The following PRKN variants were observed in gnomAD, a reference collection of about 807,000 sequenced individuals.
PRKN encodes the protein parkin RBR E3 ubiquitin protein ligase, also known as E3 ubiquitin-protein ligase parkin.
A neutral mutation model predicts 59.5 loss-of-function variants in PRKN; 56 were observed. That is an observed-to-expected ratio of 0.94 (90% confidence interval 0.76 to 1.18). PRKN has a LOEUF of 1.18. PRKN is among the 50% of genes most tolerant of loss of function. The probability of loss-of-function intolerance (pLI) is 0.00; values close to 1 mark genes in which losing one functional copy is unlikely to be tolerated. For missense variants in PRKN, 657 were observed against 596.4 expected (o/e 1.10, Z -1.06); for synonymous variants, 250 against 222.1 (o/e 1.13, Z -1.12).
chr6:162,324,586 G>A (rs939428165), intron 2 of PRKN, among the ~76,000 whole-genome samples: 2 of 151,996 alleles, frequency 1.3e-5, no homozygotes, highest in Admixed American at 6.6e-5. Context: ...CTGGCACAGG[G>A]GGTCCACAGG....
At chr6:162,703,759 T>C (rs916403561) in intron 1 of PRKN, among the ~76,000 whole-genome samples, 36 of 152,300 alleles carry the variant, frequency 2.4e-4, no homozygotes, top group Admixed American at 1.6e-3. Flanking sequence ...CTGGAATGCA[T>C]AGTCCACACA....
At chr6:162,247,771 C>G (rs939894042) in intron 3 of PRKN, among the ~76,000 whole-genome samples, 5 of 152,132 alleles carry the variant, frequency 3.3e-5, no homozygotes, top group African/African-American at 9.7e-5. Flanking sequence ...TAAAAATCTA[C>G]AATTATGAAA....
chr6:162,455,750 G>A (rs1366187043), intron 1 of PRKN, among the ~76,000 whole-genome samples: 3 of 152,020 alleles, frequency 2.0e-5, no homozygotes, highest in African/African-American at 7.2e-5. Flanking sequence ...CAGCTCCAAG[G>A]TTTTGATTTA....
At chr6:162,168,128 C>T (rs936804859) in intron 4 of PRKN, among the ~76,000 whole-genome samples, 5 of 152,040 alleles carry the variant, frequency 3.3e-5, no homozygotes, top group Admixed American at 6.6e-5. Flanking sequence ...ATTATAGTAC[C>T]AATCAAAGAA....
At chr6:162,544,913 G>A (rs1357380980) in intron 1 of PRKN, among the ~76,000 whole-genome samples, 6 of 150,134 alleles carry the variant, frequency 4.0e-5, no homozygotes, top group Non-Finnish European at 8.9e-5. Flanking sequence ...CTGACCTCAG[G>A]TGATCCACCC....
rs1487179067 is a variant in PRKN at position 161,529,749 on chromosome 6, AC to A, written c.1083+19104del. ...AAAAAGATTTATAAACATTATTGGT[AC>A]AACTGATTTTTGTCTCTGGCTGGAA... On this transcript the variant is annotated intron_variant, in intron 9 of 11. Coordinates refer to ENST00000366898, the MANE Select transcript of PRKN (RefSeq NM_004562.3). The surrounding 1 kb of genome is among the most constrained non-coding windows in gnomAD (Gnocchi z 4.4). Among the ~76,000 whole-genome samples the A allele has an allele frequency of 6.6e-6, 1 of 152,236 alleles. No individual in the cohort carries two copies. Among genetic ancestry groups the A allele is most frequent in the East Asian group, 1.9e-4 (1 of 5,202 alleles).
rs144953747 is a variant in PRKN, at chr6:161,809,287, C to G, written c.735-23379G>C. On this transcript the variant is annotated intron_variant, in intron 6 of 11. Coordinates refer to ENST00000366898, the MANE Select transcript of PRKN (RefSeq NM_004562.3). ...GGGAAGGGGGATGACTCAGAAATCC[C>G]GAGTCCTGAGGAATTACCACTTGGG... 1.2e-3 allele frequency among the ~76,000 whole-genome samples: 116 copies of G among 99,964 alleles called. 1 individual carries two copies. The highest frequency in any genetic ancestry group is 4.2e-3 in the African/African-American group (109 of 26,008). The allele number at this position is 99,964 out of a possible 152,430, so 65.6% of individuals were successfully genotyped here. A position where few individuals can be genotyped will look rare whatever the true frequency, so the allele number is the denominator to read the frequency against.
At chr6:161,567,033 T>TGTGTG (rs1244388996) in intron 8 of PRKN, among the ~76,000 whole-genome samples, 71 of 112,150 alleles carry the variant, frequency 6.3e-4, no homozygotes, top group African/African-American at 2.3e-3. Flanking sequence ...TTTTTTTTTT[T>TGTGTG]TTTTTGTGTG....
intron 4 of PRKN, among the ~76,000 whole-genome samples, chr6:162,189,648 A>T (rs979907650): frequency 6.6e-6 from 1 of 151,822 alleles, no homozygotes; most frequent in Admixed American, 6.6e-5. Flanking sequence ...GAACAGGGGG[A>T]CCCAAATAAT....
intron 2 of PRKN, among the ~76,000 whole-genome samples, chr6:162,424,619 C>T (rs1789135346): frequency 2.0e-5 from 3 of 151,740 alleles, no homozygotes; most frequent in South Asian, 2.1e-4. Flanking sequence ...GCCTGTAATC[C>T]CAGTTACTCA....
rs966848883 is a variant in PRKN at position 161,356,921 on chromosome 6, G to C, written c.1285+3167C>G. Among the ~76,000 whole-genome samples, 75 of 152,178 alleles carry C rather than the reference G, an allele frequency of 4.9e-4. 1 individual carries two copies. The highest frequency in any genetic ancestry group is 4.1e-4 in the South Asian group (2 of 4,820). On this transcript the variant is annotated intron_variant, in intron 11 of 11. Transcript: ENST00000366898. This position sits in a 1 kb window ranked among gnomAD's most constrained non-coding sequence, Gnocchi z 7.8. ...ATAGTATTTAAGGCCACAAGACTGGGCTGTATGTTATGTGTCACAAAGGTG... is the reference window on the plus strand; with the variant it reads ...ATAGTATTTAAGGCCACAAGACTGGCCTGTATGTTATGTGTCACAAAGGTG...
chr6:162,089,857 G>A (rs1004923509), intron 4 of PRKN, among the ~76,000 whole-genome samples: 18 of 152,282 alleles, frequency 1.2e-4, no homozygotes, highest in African/African-American at 3.4e-4. Context: ...AAGTCAATTT[G>A]TGGTAGCCAG....
At chr6:162,726,184 G>C (rs1269751337) in intron 1 of PRKN, among the ~76,000 whole-genome samples, 2 of 152,140 alleles carry the variant, frequency 1.3e-5, no homozygotes, top group African/African-American at 4.8e-5. Context: ...TTAAGTGCTT[G>C]TCTTTATATA....
intron 1 of PRKN, among the ~76,000 whole-genome samples, chr6:162,560,177 T>C (rs1031231250): frequency 6.6e-6 from 1 of 152,222 alleles, no homozygotes; most frequent in Non-Finnish European, 1.5e-5. Context: ...AAAGACAGCA[T>C]TTCATTAAGG....
intron 1 of PRKN, among the ~76,000 whole-genome samples, chr6:162,507,549 T>C (rs1793663561): frequency 6.6e-6 from 1 of 152,170 alleles, no homozygotes; most frequent in Admixed American, 6.5e-5. Context: ...AATGTTTTTA[T>C]AAAACTTAAG....
intron 4 of PRKN, among the ~76,000 whole-genome samples, chr6:162,142,919 T>C (rs1489347303): frequency 6.6e-6 from 1 of 152,218 alleles, no homozygotes. Context: ...AAATTACTTA[T>C]AAACCAAGGC....
intron 6 of PRKN, among the ~76,000 whole-genome samples, chr6:161,857,046 G>A (rs529926263): frequency 1.4e-4 from 21 of 151,994 alleles, no homozygotes; most frequent in Admixed American, 7.2e-4. Flanking sequence ...CCTGGCCAAC[G>A]TGGTAAAACC....
chr6:161,917,220 C>T (rs1177903130), intron 6 of PRKN, among the ~76,000 whole-genome samples: 2 of 152,114 alleles, frequency 1.3e-5, no homozygotes, highest in Non-Finnish European at 2.9e-5. Flanking sequence ...ATTCTCCTGC[C>T]TCAGCCTCCC....
In PRKN at chr6:162,556,366, T is replaced by TGTGTGTGTGTGTGC. The variant is rs1554243446; in HGVS notation, c.8-112894_8-112893insGCACACACACACAC. On this transcript the variant is annotated intron_variant, in intron 1 of 11. Coordinates refer to ENST00000366898, the MANE Select transcript of PRKN (RefSeq NM_004562.3). ...TGGTGTGTGTGTGTGTGTGTGTGTG[T>TGTGTGTGTGTGTGC]GTGTGTGTGTGTGTGTGTGTGTGTG... Among the ~76,000 whole-genome samples, 28 of 98,360 alleles carry TGTGTGTGTGTGTGC rather than the reference T, an allele frequency of 2.8e-4. No homozygotes were observed. The East Asian group carries it at 5.7e-3, about 20-fold the overall frequency. 64.5% of individuals were successfully genotyped at this position (98,360 alleles called of 152,430 possible). A position where few individuals can be genotyped will look rare whatever the true frequency, so the allele number is the denominator to read the frequency against.
Sources: allele counts gnomAD v4.1 joint callset (sites outside exome capture counted in the v4.1 genomes callset), GRCh38; gene constraint gnomAD v4.1.1; non-coding constraint Gnocchi (gnomAD v3.1); transcripts MANE v1.5; gene names NCBI Gene and HGNC (gene_info 2026-07-23, HGNC 2026-07-21).